ATM: variants seen among roughly 807,000 people sequenced by gnomAD.
ATM encodes the protein serine-protein kinase ATM.
In ATM, 308 loss-of-function variants were observed where a neutral mutation model predicts 387.0. That is an observed-to-expected ratio of 0.80 (90% CI 0.73 to 0.87). The LOEUF (loss-of-function observed/expected upper bound fraction) is 0.87. Ranked by LOEUF, ATM falls within the 40% of genes least tolerant of loss-of-function variation. The probability of loss-of-function intolerance (pLI) is 0.00; values close to 1 mark genes in which losing one functional copy is unlikely to be tolerated. For missense variants in ATM, 3,312 were observed against 3,560.9 expected (o/e 0.93, Z 1.78); for synonymous variants, 1,156 against 1,187.3 (o/e 0.97, Z 0.54).
intron 39 of ATM, among the ~76,000 whole-genome samples, chr11:108,311,391 A>G (rs890745365): frequency 6.6e-6 from 1 of 152,172 alleles, no homozygotes; most frequent in Admixed American, 6.5e-5. Context: ...AACTGTTCCT[A>G]GTTTAGTTAA....
Position 108,284,249 on chromosome 11 carries a change from C to T in ATM, c.3769C>T (p.Pro1257Ser). ...FYRSCYKVLIPHLVIRSHFDE... is the reference protein window; with the variant it reads ...FYRSCYKVLISHLVIRSHFDE... ...TAGATCTTGTTATAAGGTTTTGATT[C>T]CACATCTGGTGATTAGAAGTCATTT... Residue 1257 changes from proline (P) to serine (S), a missense_variant, in exon 26 of 63, where the codon CCA becomes TCA. Around this residue, in one of 4 missense-constraint regions of ATM, gnomAD observed 1,791 missense variants for 1,804.5 expected, o/e 0.99. Coordinates refer to ENST00000675843, the MANE Select transcript of ATM (RefSeq NM_000051.4). 1 of 1,610,364 alleles carries T rather than the reference C, an allele frequency of 6.2e-7. No homozygotes were observed. Among genetic ancestry groups the T allele is most frequent in the Middle Eastern group, 1.7e-4 (1 of 6,042 alleles).
intron 58 of ATM, 94 bp downstream of exon 58, chr11:108,346,002 C>A: frequency 1.4e-6 from 2 of 1,433,434 alleles, no homozygotes; most frequent in Non-Finnish European, 2.0e-6. Context: ...TTCTGAGTTG[C>A]AGGGGGATGA....
At chr11:108,247,735 A>G (rs2079924589) in intron 8 of ATM, among the ~76,000 whole-genome samples, 1 of 152,092 alleles carries the variant, frequency 6.6e-6, no homozygotes, top group South Asian at 2.1e-4. Context: ...AGCTGGGACT[A>G]CAGGTGCCTG....
intron 16 of ATM, among the ~76,000 whole-genome samples, 175 bp from the exon 17 acceptor site, chr11:108,266,996 A>T (rs567009080): frequency 6.6e-6 from 1 of 152,046 alleles, no homozygotes; most frequent in Non-Finnish European, 1.5e-5. Context: ...AGGTTTCACC[A>T]TGTTGGCCAG....
intron 9 of ATM, 103 bp downstream of exon 9, chr11:108,249,205 C>A: frequency 2.3e-6 from 3 of 1,322,314 alleles, no homozygotes; most frequent in Non-Finnish European, 3.2e-6. Context: ...AGAACTAAGT[C>A]ATTTGTCTAC....
rs2080180530 is a variant in ATM, at chr11:108,252,028, A to G, written c.1799A>G (p.His600Arg). ...ENSTEVPPIL[H>R]SNFPHLVLEK... ...AGCACAGAAGTGCCTCCAATTCTTC[A>G]CAGGTAATTTAAGTTCATTAGCATG... The change falls in exon 11 of 63, where the codon CAC (histidine) becomes CGC (arginine). Residue 600 changes from histidine to arginine, a missense_variant. Coordinates refer to ENST00000675843, the MANE Select transcript of ATM (RefSeq NM_000051.4). 1.9e-6 allele frequency: 3 copies of G among 1,611,500 alleles called. No individual in the cohort carries two copies. The highest frequency in any genetic ancestry group is 2.5e-6 in the Non-Finnish European group (3 of 1,179,350).
intron 39 of ATM, among the ~76,000 whole-genome samples, 199 bp downstream of exon 39, chr11:108,310,514 T>C (rs1046144001): frequency 6.6e-6 from 1 of 152,198 alleles, no homozygotes; most frequent in African/African-American, 2.4e-5. Context: ...GAATGCTTAT[T>C]ACTTAGGTAT....
In ATM at chr11:108,323,887, G is replaced by T. The variant is rs4439476; in HGVS notation, c.6573-1423G>T. Among the ~76,000 whole-genome samples, 23 of 152,188 alleles carry T rather than the reference G, an allele frequency of 1.5e-4. No individual in the cohort carries two copies. The East Asian group carries it at 4.1e-3, about 27-fold the overall frequency. On this transcript the variant is annotated intron_variant, in intron 45 of 62. Transcript: ENST00000675843. ...ATAACAAACTAAATGCAGAAGCAGA[G>T]ATAAGAATTCATCTCGTTCTGTTAA...
At chr11:108,251,770 C>T (rs2135336855) in intron 10 of ATM, 67 bp from the exon 11 acceptor site, 1 of 1,478,094 alleles carries the variant, frequency 6.8e-7, no homozygotes, top group South Asian at 1.1e-5. Context: ...CAGGCACTGT[C>T]CTGATAGATA....
chr11:108,316,745 TA>T (rs2084685055), intron 42 of ATM, among the ~76,000 whole-genome samples: 1 of 22,542 alleles, frequency 4.4e-5, no homozygotes, highest in Non-Finnish European at 9.0e-5. Context: ...CCGTCTCTAC[TA>T]AAAATACAAA....
chr11:108,273,371 C>T (rs1285160201), intron 22 of ATM, among the ~76,000 whole-genome samples: 4 of 96,424 alleles, frequency 4.1e-5, no homozygotes, highest in Admixed American at 3.0e-4. Context: ...GATGGAGTTT[C>T]GCTCATGTCT....
chr11:108,238,251 T>G (rs2079394056), intron 5 of ATM, among the ~76,000 whole-genome samples: 1 of 152,016 alleles, frequency 6.6e-6, no homozygotes. Context: ...ATTTCTTTCA[T>G]TAGTGTTTTA....
In ATM at chr11:108,267,240, C is replaced by G. The variant is rs1555082186; in HGVS notation, c.2536C>G (p.Leu846Val). ...AATGGAAGATGATACTAATGGAAATCTAATGGAGGTGGAGGATCAGTCATC... is the reference window on the plus strand; with the variant it reads ...AATGGAAGATGATACTAATGGAAATGTAATGGAGGTGGAGGATCAGTCATC... ...ESMEDDTNGN[L>V]MEVEDQSSMN... is the part of the protein sequence containing the mutation. Residue 846 changes from leucine to valine, a missense_variant, in exon 17 of 63, where the codon CTA becomes GTA. This residue lies in a region of ATM where 1,791 missense variants were observed against 1,804.5 expected (regional missense o/e 0.99). Coordinates refer to ENST00000675843, the MANE Select transcript of ATM (RefSeq NM_000051.4). 2 of 1,614,112 alleles carry G rather than the reference C, an allele frequency of 1.2e-6. No homozygotes were observed. The highest frequency in any genetic ancestry group is 2.2e-5 in the East Asian group (1 of 44,880).
intron 5 of ATM, among the ~76,000 whole-genome samples, chr11:108,239,881 T>C (rs1455737336): frequency 6.6e-6 from 1 of 152,236 alleles, no homozygotes; most frequent in Non-Finnish European, 1.5e-5. Context: ...CTAACTTAAC[T>C]AAAGCGCTTC....
chr11:108,293,588 TA>T (rs1282331527), intron 31 of ATM, 111 bp downstream of exon 31: 12 of 998,658 alleles, frequency 1.2e-5, no homozygotes, highest in African/African-American at 6.5e-5. Flanking sequence ...TAATTGTGAT[TA>T]AAAATATATA....
At chr11:108,317,099 A>AC (rs1337839436) in intron 42 of ATM, among the ~76,000 whole-genome samples, 19 of 68,904 alleles carry the variant, frequency 2.8e-4, no homozygotes, top group African/African-American at 1.2e-3. Flanking sequence ...ATACCCAGCT[A>AC]TTTTAAAAAA....
At chr11:108,295,332 A>ATT in intron 32 of ATM, 1 of 355,990 alleles carries the variant, frequency 2.8e-6, no homozygotes, top group Non-Finnish European at 5.2e-6. Context: ...TAAGAGACAG[A>ATT]GTTTTTTTTT....
rs1166601646 is a variant in ATM, at chr11:108,340,800, ACCT to A, written c.8269-2421_8269-2419del. Among the ~76,000 whole-genome samples, 3 of 152,280 alleles carry A rather than the reference ACCT, an allele frequency of 2.0e-5. No homozygotes were observed. In the East Asian group the frequency reaches 5.8e-4, roughly 29 times the overall value. ...GTGGTGTATGAAGCATTTGCCTATA[ACCT>A]ATGAACCTCCTCCCATGTACTGTAA... On this transcript the variant is annotated intron_variant, in intron 56 of 62. Transcript: ENST00000675843.
intron 43 of ATM, 127 bp downstream of exon 43, chr11:108,317,648 TATATACACACACAC>T (rs1187350601): frequency 7.5e-6 from 1 of 132,978 alleles, no homozygotes; most frequent in African/African-American, 4.2e-5. Context: ...TATATATATA[TATATACACACACAC>T]ACACACACAC....
Sources: allele counts gnomAD v4.1 joint callset (sites outside exome capture counted in the v4.1 genomes callset), GRCh38; gene constraint gnomAD v4.1.1; regional missense constraint gnomAD v4.1.1; transcripts MANE v1.5; gene names NCBI Gene and HGNC (gene_info 2026-07-23, HGNC 2026-07-21).